The following DIP2C variants were observed in gnomAD, a reference collection of about 807,000 sequenced individuals.
The protein encoded by DIP2C is disco-interacting protein 2 homolog C.
Under a neutral mutation model 192.4 loss-of-function variants are expected in DIP2C, and 33 were observed. That is an observed-to-expected ratio of 0.17 (90% CI 0.13 to 0.23). The LOEUF (loss-of-function observed/expected upper bound fraction) is 0.23. Among genes scored for constraint, DIP2C ranks in the 10% least tolerant of loss-of-function variants. DIP2C has a pLI of 1.00. For synonymous variants in DIP2C, 979 were observed against 864.1 expected (o/e 1.13, Z -2.33); for missense variants, 1,537 against 2,110.1 (o/e 0.73, Z 5.32).
intron 32 of DIP2C, among the ~76,000 whole-genome samples, chr10:298,512 T>C (rs1955868109): frequency 6.6e-6 from 1 of 152,096 alleles, no homozygotes; most frequent in Non-Finnish European, 1.5e-5. Flanking sequence ...GAGGAGAGGG[T>C]GTGTGCTCTC....
chr10:417,660 T>TCGAATAGGCCTCCCTGTCCACCTGCA (rs1965760943), intron 6 of DIP2C, among the ~76,000 whole-genome samples: 2 of 12,126 alleles, frequency 1.6e-4, no homozygotes, highest in Non-Finnish European at 3.8e-4. Flanking sequence ...GTCCACCTGT[T>TCGAATAGGCCTCCCTGTCCACCTGCA]CCTGTCAGGG....
chr10:477,669 G>A (rs552283702), intron 2 of DIP2C, among the ~76,000 whole-genome samples: 210 of 141,662 alleles, frequency 1.5e-3, no homozygotes, highest in African/African-American at 4.8e-3. Flanking sequence ...AACAGGAAGT[G>A]GTGAATAGAT....
intron 1 of DIP2C, among the ~76,000 whole-genome samples, chr10:555,553 C>G (rs1330035786): frequency 1.3e-5 from 2 of 152,110 alleles, no homozygotes. Flanking sequence ...GGCATGAAAG[C>G]AAACAGAAGA....
intron 1 of DIP2C, among the ~76,000 whole-genome samples, chr10:526,263 G>A (rs969321443): frequency 6.6e-6 from 1 of 152,212 alleles, no homozygotes; most frequent in Admixed American, 6.5e-5. Context: ...CTGTGGGCAG[G>A]GAGATGCTGC....
chr10:305,993 A>G (rs899046626), intron 32 of DIP2C, among the ~76,000 whole-genome samples: 7 of 142,766 alleles, frequency 4.9e-5, no homozygotes, highest in African/African-American at 1.3e-4. Flanking sequence ...ATATATATAT[A>G]TTATATTTTT....
At chr10:303,585 G>A (rs763706886) in intron 32 of DIP2C, among the ~76,000 whole-genome samples, 12 of 151,520 alleles carry the variant, frequency 7.9e-5, no homozygotes, top group East Asian at 7.7e-4. Context: ...GTGCAGTGGC[G>A]CGATCTTGGC....
At chr10:416,742 G>A (rs1049692661) in intron 6 of DIP2C, among the ~76,000 whole-genome samples, 18 of 152,240 alleles carry the variant, frequency 1.2e-4, no homozygotes, top group African/African-American at 2.9e-4. Flanking sequence ...GGACCAAGAC[G>A]CTGATGCCAC....
intron 24 of DIP2C, 34 bp downstream of exon 24, chr10:356,392 C>A (rs771339470): frequency 2.5e-6 from 4 of 1,607,754 alleles, no homozygotes; most frequent in Non-Finnish European, 3.4e-6. Flanking sequence ...CCCCTTGAGG[C>A]CAGTAGCCAG....
chr10:614,918 G>C (rs1237043531), intron 1 of DIP2C, among the ~76,000 whole-genome samples: 2 of 152,140 alleles, frequency 1.3e-5, no homozygotes, highest in Non-Finnish European at 2.9e-5. Context: ...TGACACAAGC[G>C]TGACCCCCAT....
intron 1 of DIP2C, among the ~76,000 whole-genome samples, chr10:490,766 C>T (rs753232484): frequency 2.6e-5 from 4 of 152,034 alleles, no homozygotes; most frequent in Non-Finnish European, 4.4e-5. Context: ...ATTAAAAAAA[C>T]GCCACTTATG....
chr10:548,044 C>T lies in DIP2C; in HGVS notation c.86-61514G>A, dbSNP rs562112855. Among the ~76,000 whole-genome samples, 14 of 152,280 alleles carry T rather than the reference C, an allele frequency of 9.2e-5. 1 individual carries two copies. The highest frequency in any genetic ancestry group is 2.9e-4 in the African/African-American group (12 of 41,558). ...TCACATGTAAAAGCAGTCTGCAATG[C>T]TTCATTTAGGAGGTGCTTGTGTTGC... On this transcript the variant is annotated intron_variant, in intron 1 of 36. Transcript: ENST00000280886.
chr10:629,289 TG>T (rs1468099182), intron 1 of DIP2C, among the ~76,000 whole-genome samples: 2 of 152,064 alleles, frequency 1.3e-5, no homozygotes, highest in Non-Finnish European at 2.9e-5. Context: ...AGGACAAAAC[TG>T]CTCCAGAGCC....
At position 387,593 on chromosome 10, in the gene DIP2C, G is replaced by A. The variant is rs568065965; in HGVS notation, c.1662+152C>T. The A allele has an allele frequency of 5.8e-6, 4 of 688,494 alleles. No individual in the cohort carries two copies. The South Asian group carries it at 6.6e-5, about 11-fold the overall frequency. The allele number at this position is 688,494 out of a possible 1,614,324, so 42.6% of individuals were successfully genotyped here. A position where few individuals can be genotyped will look rare whatever the true frequency, so the allele number is the denominator to read the frequency against. On this transcript the variant is annotated intron_variant, in intron 14 of 36. Coordinates refer to ENST00000280886, the MANE Select transcript of DIP2C (RefSeq NM_014974.3). Reference sequence around the variant, plus strand: ...GGGGCGACTCCTGTGTGGACAGGCAGGGTGGGAGGGAGACTCCTGTGTGGA... The same window carrying A: ...GGGGCGACTCCTGTGTGGACAGGCAAGGTGGGAGGGAGACTCCTGTGTGGA...
intron 1 of DIP2C, among the ~76,000 whole-genome samples, chr10:621,979 T>A (rs74115080): frequency 0.011 from 1,747 of 152,056 alleles, 50 homozygotes; most frequent in African/African-American, 0.039. Flanking sequence ...TTCTTTTTTT[T>A]AATGCTCTAC....
chr10:555,816 C>T (rs187044748), intron 1 of DIP2C, among the ~76,000 whole-genome samples: 118 of 152,256 alleles, frequency 7.8e-4, no homozygotes, highest in South Asian at 4.4e-3. Context: ...TCAAGCCACA[C>T]GGCGTCCAGT....
At chr10:681,346 T>G (rs758209453) in intron 1 of DIP2C, among the ~76,000 whole-genome samples, 1 of 150,374 alleles carries the variant, frequency 6.7e-6, no homozygotes, top group Non-Finnish European at 1.5e-5. Context: ...CCACAGAAAT[T>G]CCAGGGAATG....
At chr10:616,830 C>G (rs1007057452) in intron 1 of DIP2C, among the ~76,000 whole-genome samples, 2 of 152,150 alleles carry the variant, frequency 1.3e-5, no homozygotes, top group African/African-American at 4.8e-5. Context: ...GAGAGCCACG[C>G]CCATCAGCGA....
At chr10:573,427 C>T (rs745697653) in intron 1 of DIP2C, among the ~76,000 whole-genome samples, 8 of 152,214 alleles carry the variant, frequency 5.3e-5, no homozygotes, top group African/African-American at 1.9e-4. Context: ...TGCTGTTTTT[C>T]GGACAGGGTC....
At chr10:602,586 T>A (rs1309056771) in intron 1 of DIP2C, among the ~76,000 whole-genome samples, 21 of 152,154 alleles carry the variant, frequency 1.4e-4, no homozygotes, top group African/African-American at 5.1e-4. Flanking sequence ...GAGCAACAGG[T>A]CCTGGGGCAC....
Sources: gnomAD v4.1 joint callset for allele counts (sites outside exome capture counted in the v4.1 genomes callset) on GRCh38, gnomAD v4.1.1 for gene constraint, MANE v1.5 for transcripts, NCBI Gene and HGNC (gene_info 2026-07-23, HGNC 2026-07-21) for gene names.